Variants in TOP1 observed in about 807,000 individuals in gnomAD.
TOP1 encodes DNA topoisomerase 1.
TOP1 carries 10 observed loss-of-function variants against 111.1 expected under a neutral mutation model. That is an observed-to-expected ratio of 0.09 (90% CI 0.06 to 0.15). TOP1 has a LOEUF of 0.15. Ranked by LOEUF, TOP1 falls within the 10% of genes least tolerant of loss-of-function variation. The probability of loss-of-function intolerance (pLI) is 1.00; values close to 1 mark genes in which losing one functional copy is unlikely to be tolerated. For missense variants in TOP1, 474 were observed against 926.7 expected, an observed-to-expected ratio of 0.51 and a Z score of 6.34; for synonymous variants, 271 against 302.9, an observed-to-expected ratio of 0.89 and a Z score of 1.10.
Position 41,028,934 on chromosome 20 carries a change from G to C in TOP1, c.-134G>C, listed in dbSNP as rs938648564. ...AGCCTCAGCCGTTTCTGGAGTCTCG[G>C]GCCCACAGTCACCGCCGCTTACCTG... On this transcript the variant is annotated 5_prime_UTR_variant, in exon 1 of 21. Coordinates refer to ENST00000361337, the MANE Select transcript of TOP1 (RefSeq NM_003286.4). 1 of 708,914 alleles carries C rather than the reference G, an allele frequency of 1.4e-6. No individual in the cohort carries two copies. Among genetic ancestry groups the C allele is most frequent in the African/African-American group, 1.9e-5 (1 of 53,620 alleles). The allele number at this position is 708,914 out of a possible 1,614,324, so 43.9% of individuals were successfully genotyped here. A position where few individuals can be genotyped will look rare whatever the true frequency, so the allele number is the denominator to read the frequency against.
Position 41,104,552 on chromosome 20 carries a change from A to G in TOP1, c.1308+3199A>G, listed in dbSNP as rs374138576. On this transcript the variant is annotated intron_variant, in intron 13 of 20. Transcript: ENST00000361337. ...TGCCTCAAGAGCAGAGAGCCAGTCA[A>G]TTTTATTCCAGACAATATCCAGCTA... Among the ~76,000 whole-genome samples, 47 of 152,322 alleles carry G rather than the reference A, an allele frequency of 3.1e-4. No homozygotes were observed. In the East Asian group the frequency reaches 5.8e-3, roughly 19 times the overall value.
Position 41,123,113 on chromosome 20 carries a change from A to G in TOP1, c.2196-82A>G. The G allele has an allele frequency of 1.1e-6, 1 of 872,606 alleles. No individual in the cohort carries two copies. Among genetic ancestry groups the G allele is most frequent in the Non-Finnish European group, 1.9e-6 (1 of 526,738 alleles). 54.1% of individuals were successfully genotyped at this position (872,606 alleles called of 1,614,324 possible). A position where few individuals can be genotyped will look rare whatever the true frequency, so the allele number is the denominator to read the frequency against. On this transcript the variant is annotated intron_variant, in intron 20 of 20. Coordinates refer to ENST00000361337, the MANE Select transcript of TOP1 (RefSeq NM_003286.4). This position sits in a 1 kb window ranked among gnomAD's most constrained non-coding sequence, Gnocchi z 5.8. ...TCACTAGACAGATGTGAAAGAGAAGATGGAACATCTGACCCTGGGCCTCAG... is the reference window on the plus strand; with the variant it reads ...TCACTAGACAGATGTGAAAGAGAAGGTGGAACATCTGACCCTGGGCCTCAG...
chr20:41,096,796 G>A (rs2033989118), intron 9 of TOP1, among the ~76,000 whole-genome samples: 2 of 152,184 alleles, frequency 1.3e-5, no homozygotes, highest in South Asian at 4.1e-4. Context: ...TCCACTCCCT[G>A]CCCTATCCCT....
rs768041189 is a variant in TOP1, at chr20:41,101,191, G to A, written c.1164-18G>A. 24 of 1,613,360 alleles carry A rather than the reference G, an allele frequency of 1.5e-5. No individual in the cohort carries two copies. The highest frequency in any genetic ancestry group is 4.0e-5 in the African/African-American group (3 of 75,002). On this transcript the variant is annotated intron_variant, in intron 12 of 20. Coordinates refer to ENST00000361337, the MANE Select transcript of TOP1 (RefSeq NM_003286.4). The surrounding 1 kb of genome is among the most constrained non-coding windows in gnomAD (Gnocchi z 4.1). ...CCTCACATCTTATTTCACTATCCTCGTGCTCTGTTATTTCCAGAGATGCCA... is the reference window on the plus strand; with the variant it reads ...CCTCACATCTTATTTCACTATCCTCATGCTCTGTTATTTCCAGAGATGCCA...
chr20:41,035,217 T>G (rs1353897726), intron 2 of TOP1, among the ~76,000 whole-genome samples: 1 of 152,124 alleles, frequency 6.6e-6, no homozygotes, highest in Non-Finnish European at 1.5e-5. Flanking sequence ...TCATTTTTCA[T>G]TTGTTGTCTT....
chr20:41,039,140 C>T (rs2033227051), intron 2 of TOP1, among the ~76,000 whole-genome samples: 1 of 152,200 alleles, frequency 6.6e-6, no homozygotes, highest in Non-Finnish European at 1.5e-5. Context: ...CATATTCATT[C>T]ATACAAACAT....
chr20:41,049,339 CTT>C (rs752592255), intron 2 of TOP1, among the ~76,000 whole-genome samples: 17 of 152,324 alleles, frequency 1.1e-4, no homozygotes, highest in Admixed American at 5.2e-4. Context: ...AAAATTGGGT[CTT>C]TGAGCAACTC....
In TOP1 at chr20:41,097,092, A is replaced by C. The variant is rs2033992335; in HGVS notation, c.731-128A>C. ...TGTTGTCTTTGTTGTTGTTGCTACT[A>C]TGTGTCACCAGACCTTTATATACCA... On this transcript the variant is annotated intron_variant, in intron 9 of 20. Coordinates refer to ENST00000361337, the MANE Select transcript of TOP1 (RefSeq NM_003286.4). The surrounding 1 kb of genome is among the most constrained non-coding windows in gnomAD (Gnocchi z 4.2). The C allele has an allele frequency of 1.1e-6, 1 of 883,830 alleles. No homozygotes were observed. The highest frequency in any genetic ancestry group is 1.7e-5 in the African/African-American group (1 of 59,072). 54.7% of individuals were successfully genotyped at this position (883,830 alleles called of 1,614,324 possible).
intron 11 of TOP1, among the ~76,000 whole-genome samples, chr20:41,099,855 C>G (rs2034035221): frequency 3.3e-5 from 5 of 152,092 alleles, no homozygotes; most frequent in Admixed American, 3.3e-4. Context: ...TGAAATCAAT[C>G]CTTATAGGCA....
In TOP1 at chr20:41,078,521, A is replaced by G. The variant is rs1199466134; in HGVS notation, c.335+884A>G. Among the ~76,000 whole-genome samples the G allele has an allele frequency of 6.6e-6, 1 of 152,226 alleles. No individual in the cohort carries two copies. The highest frequency in any genetic ancestry group is 2.4e-5 in the African/African-American group (1 of 41,456). On this transcript the variant is annotated intron_variant, in intron 5 of 20. Coordinates refer to ENST00000361337, the MANE Select transcript of TOP1 (RefSeq NM_003286.4). The surrounding 1 kb of genome is among the most constrained non-coding windows in gnomAD (Gnocchi z 5.3). ...GGGTCCTTTAGACAAGGAGAAAAGC[A>G]GGTGCCCTCTTCAGGCATGTTTCAT...
chr20:41,081,178 C>T lies in TOP1; in HGVS notation c.445C>T (p.Pro149Ser), dbSNP rs79787987. 3.1e-6 allele frequency: 5 copies of T among 1,597,454 alleles called. No individual in the cohort carries two copies. The highest frequency in any genetic ancestry group is 4.3e-6 in the Non-Finnish European group (5 of 1,169,030). Residue 149 changes from proline (P) to serine (S), a missense_variant, in exon 7 of 21, where the codon CCT becomes TCT. Pro to Ser is a moderately conservative substitution (Grantham distance 74, BLOSUM62 -1). Transcript: ENST00000361337. The part of the protein sequence containing the change: ...PRDEDDADYK[P>S]KKIKTEDTKK... ...TCCCCTTTCTAGTGCTGATTATAAACCTAAGAAAATTAAAACAGAAGATAC... is the reference window on the plus strand; with the variant it reads ...TCCCCTTTCTAGTGCTGATTATAAATCTAAGAAAATTAAAACAGAAGATAC...
chr20:41,100,465 G>C lies in TOP1; in HGVS notation c.1163+222G>C, dbSNP rs1411954733. On this transcript the variant is annotated intron_variant, in intron 12 of 20. Transcript: ENST00000361337. The surrounding 1 kb of genome is among the most constrained non-coding windows in gnomAD (Gnocchi z 4.4). ...ACCCCCAGTGGATGCCTGCAACTTCGACCCAATTGCTGTCACTTGGAACAC... is the reference window on the plus strand; with the variant it reads ...ACCCCCAGTGGATGCCTGCAACTTCCACCCAATTGCTGTCACTTGGAACAC... Among the ~76,000 whole-genome samples, 2 of 152,054 alleles carry C rather than the reference G, an allele frequency of 1.3e-5. No homozygotes were observed. Among genetic ancestry groups the C allele is most frequent in the Non-Finnish European group, 2.9e-5 (2 of 68,016 alleles).
In TOP1 at chr20:41,102,061, CA is replaced by C. The variant is rs1424708571; in HGVS notation, c.1308+713del. Among the ~76,000 whole-genome samples the C allele has an allele frequency of 6.6e-6, 1 of 152,178 alleles. No homozygotes were observed. Among genetic ancestry groups the C allele is most frequent in the African/African-American group, 2.4e-5 (1 of 41,436 alleles). On this transcript the variant is annotated intron_variant, in intron 13 of 20. Coordinates refer to ENST00000361337, the MANE Select transcript of TOP1 (RefSeq NM_003286.4). This position sits in a 1 kb window ranked among gnomAD's most constrained non-coding sequence, Gnocchi z 4.0. ...CTATGAAATATAAACCTAACAGAGA[CA>C]AAAACACAGTCAAGGAATTAGTTCT...
rs926099923 is a variant in TOP1 at position 41,079,620 on chromosome 20, T to C, written c.336-465T>C. 5.3e-5 allele frequency among the ~76,000 whole-genome samples: 8 copies of C among 152,200 alleles called. No homozygotes were observed. The highest frequency in any genetic ancestry group is 1.9e-4 in the African/African-American group (8 of 41,456). On this transcript the variant is annotated intron_variant, in intron 5 of 20. Coordinates refer to ENST00000361337, the MANE Select transcript of TOP1 (RefSeq NM_003286.4). This position sits in a 1 kb window ranked among gnomAD's most constrained non-coding sequence, Gnocchi z 4.0. ...GATATACATGTACGTTATTGCCACA[T>C]TTTTAGAACTTTAAGGTACTAAGTT...
At position 41,114,494 on chromosome 20, in the gene TOP1, T is replaced by TC. The variant is rs1393682538; in HGVS notation, c.1638+341dup. Among the ~76,000 whole-genome samples the TC allele has an allele frequency of 6.6e-6, 1 of 152,252 alleles. No homozygotes were observed. Among genetic ancestry groups the TC allele is most frequent in the Non-Finnish European group, 1.5e-5 (1 of 68,044 alleles). Reference sequence around the variant, plus strand: ...GGTATTATTTGATATCTTGTGTACCTCCTTTTAGTCACTGTTCCGCCCTGT... The same window carrying TC: ...GGTATTATTTGATATCTTGTGTACCTCCCTTTTAGTCACTGTTCCGCCCTGT... On this transcript the variant is annotated intron_variant, in intron 15 of 20. Coordinates refer to ENST00000361337, the MANE Select transcript of TOP1 (RefSeq NM_003286.4). The surrounding 1 kb of genome is among the most constrained non-coding windows in gnomAD (Gnocchi z 4.5).
Position 41,046,498 on chromosome 20 carries a change from T to C in TOP1, c.59-14896T>C, listed in dbSNP as rs1159175414. ...CTGGGGGCGCCCATCTCTTCACTTA[T>C]GATGTGTCCTTAACAGACTAAATGC... On this transcript the variant is annotated intron_variant, in intron 2 of 20. Transcript: ENST00000361337. The surrounding 1 kb of genome is among the most constrained non-coding windows in gnomAD (Gnocchi z 4.3). 1.3e-5 allele frequency among the ~76,000 whole-genome samples: 2 copies of C among 152,232 alleles called. No individual in the cohort carries two copies. The highest frequency in any genetic ancestry group is 2.9e-5 in the Non-Finnish European group (2 of 68,042).
chr20:41,058,720 T>C lies in TOP1; in HGVS notation c.59-2674T>C, dbSNP rs1333983364. ...ACTCAAGGGGAGGGGAATTAGGCTATACCTCTTGAAAAGCGGAGTAACAAA... is the reference window on the plus strand; with the variant it reads ...ACTCAAGGGGAGGGGAATTAGGCTACACCTCTTGAAAAGCGGAGTAACAAA... On this transcript the variant is annotated intron_variant, in intron 2 of 20. Transcript: ENST00000361337. The surrounding 1 kb of genome is among the most constrained non-coding windows in gnomAD (Gnocchi z 4.2). Among the ~76,000 whole-genome samples, 1 of 152,188 alleles carries C rather than the reference T, an allele frequency of 6.6e-6. No homozygotes were observed. Among genetic ancestry groups the C allele is most frequent in the Non-Finnish European group, 1.5e-5 (1 of 68,022 alleles).
At chr20:41,099,578 T>C (rs969615265) in intron 11 of TOP1, among the ~76,000 whole-genome samples, 1 of 152,124 alleles carries the variant, frequency 6.6e-6, no homozygotes, top group Non-Finnish European at 1.5e-5. Flanking sequence ...GATCATAGTA[T>C]AGAGTGTATA....
At chr20:41,089,407 C>G (rs1048349800) in intron 8 of TOP1, among the ~76,000 whole-genome samples, 1 of 152,188 alleles carries the variant, frequency 6.6e-6, no homozygotes, top group Non-Finnish European at 1.5e-5. Flanking sequence ...TATTAATAGT[C>G]ATACAGTATT....
Sources: gnomAD v4.1 joint callset for allele counts (sites outside exome capture counted in the v4.1 genomes callset) on GRCh38, gnomAD v4.1.1 for gene constraint, Gnocchi (gnomAD v3.1) non-coding constraint, MANE v1.5 for transcripts, NCBI Gene and HGNC (gene_info 2026-07-23, HGNC 2026-07-21) for gene names.